The following NPNT variants were observed in gnomAD, a reference collection of about 807,000 sequenced individuals.
The protein encoded by NPNT is nephronectin.
NPNT carries 45 observed loss-of-function variants against 68.6 expected under a neutral mutation model. That is an observed-to-expected ratio of 0.66 (90% CI 0.52 to 0.84). The LOEUF is 0.84. Ranked by LOEUF, NPNT falls within the 40% of genes least tolerant of loss-of-function variation. The probability of loss-of-function intolerance (pLI) is 0.00; values close to 1 mark genes in which losing one functional copy is unlikely to be tolerated. For synonymous variants in NPNT, 233 were observed against 253.3 expected, an observed-to-expected ratio of 0.92 and a Z score of 0.76; for missense variants, 672 against 714.8, an observed-to-expected ratio of 0.94 and a Z score of 0.68.
intron 2 of NPNT, among the ~76,000 whole-genome samples, chr4:105,899,787 G>A (rs1449934702): frequency 6.6e-6 from 1 of 152,174 alleles, no homozygotes; most frequent in African/African-American, 2.4e-5. Context: ...AAAGGTGAAT[G>A]TTTCCTTCTG....
chr4:105,912,248 A>T, intron 2 of NPNT: 1 of 1,523,204 alleles, frequency 6.6e-7, no homozygotes, highest in Non-Finnish European at 8.8e-7. Flanking sequence ...GGTTAGATGA[A>T]CATATTTCTT....
chr4:105,967,143 A>C, intron 10 of NPNT, 45 bp from the exon 11 acceptor site: 1 of 1,586,916 alleles, frequency 6.3e-7, no homozygotes, highest in Non-Finnish European at 8.6e-7. Context: ...TTGTTCTAGA[A>C]AGGGATATTG....
chr4:105,948,967 A>AT (rs1730600547), intron 8 of NPNT, among the ~76,000 whole-genome samples: 3 of 152,078 alleles, frequency 2.0e-5, no homozygotes, highest in African/African-American at 7.2e-5. Context: ...AATAAGATGT[A>AT]TTTACAGGGC....
At chr4:105,898,292 CTCTCTCTCTCTCTCTCTCTG>C (rs1726057152) in intron 2 of NPNT, among the ~76,000 whole-genome samples, 6 of 124,952 alleles carry the variant, frequency 4.8e-5, no homozygotes, top group African/African-American at 1.9e-4. Context: ...AGGTTTATTT[CTCTCTCTCTCTCTCTCTCTG>C]TCTCTCTCTC....
chr4:105,913,184 C>T (rs936273593), intron 2 of NPNT, among the ~76,000 whole-genome samples: 1 of 152,070 alleles, frequency 6.6e-6, no homozygotes, highest in Non-Finnish European at 1.5e-5. Flanking sequence ...GTTCTTTAAA[C>T]TGATTGAAGA....
intron 8 of NPNT, among the ~76,000 whole-genome samples, chr4:105,948,840 C>T (rs374563242): frequency 3.9e-5 from 6 of 152,070 alleles, no homozygotes; most frequent in African/African-American, 1.4e-4. Context: ...TCAAGGAATC[C>T]TCCCACCTTG....
rs1247980100 is a variant in NPNT, at chr4:105,938,387, C to T, written c.472C>T (p.Leu158=). ...QIRCQCPSPG[L]QLAPDGRTCV... ...ACGGTGCCAGTGCCCATCCCCTGGC[C>T]TGCAGCTGGCTCCTGATGGGAGGAC... The change falls in exon 5 of 12, where the codon CTG becomes TTG. Residue 158 remains leucine (L), a synonymous_variant. Transcript: ENST00000379987. 2 of 1,613,490 alleles carry T rather than the reference C, an allele frequency of 1.2e-6. No individual in the cohort carries two copies. Among genetic ancestry groups the T allele is most frequent in the African/African-American group, 1.3e-5 (1 of 74,890 alleles).
chr4:105,900,086 A>G (rs1578567847), intron 2 of NPNT, among the ~76,000 whole-genome samples: 1 of 152,254 alleles, frequency 6.6e-6, no homozygotes, highest in East Asian at 1.9e-4. Flanking sequence ...TTCCTTATAA[A>G]GATTCCAAAG....
chr4:105,953,440 A>G (rs925115239), intron 8 of NPNT, among the ~76,000 whole-genome samples: 3 of 152,210 alleles, frequency 2.0e-5, no homozygotes, highest in Non-Finnish European at 4.4e-5. Context: ...TGTGAGTCCA[A>G]CAACCCTTTT....
chr4:105,959,643 C>T (rs1025997489), intron 10 of NPNT, among the ~76,000 whole-genome samples: 5 of 150,670 alleles, frequency 3.3e-5, no homozygotes, highest in South Asian at 2.1e-4. Flanking sequence ...GAAATGGTTA[C>T]GAATCACCAC....
intron 6 of NPNT, 70 bp from the exon 7 acceptor site, chr4:105,940,444 T>G (rs1729844923): frequency 6.2e-6 from 9 of 1,453,022 alleles, no homozygotes; most frequent in African/African-American, 1.4e-5. Flanking sequence ...TTTTTGAAAC[T>G]GTATATATTT....
In NPNT at chr4:105,938,302, T is replaced by A; in HGVS notation, c.387T>A (p.Ser129Arg). ...GTCAGCCAGTCACTCTCTTTCCAGG[T>A]GCCCTGACCTGCTCCATGGCAAACT... ...YMLMPDGSCS[S>R]ALTCSMANCQ... is the part of the protein sequence containing the mutation. The change falls in exon 5 of 12, where the codon AGT becomes AGA. Residue 129 changes from serine to arginine, a missense_variant and splice_region_variant. Physicochemically the swap from Ser to Arg is moderately radical, Grantham distance 110. Coordinates refer to ENST00000379987, the MANE Select transcript of NPNT (RefSeq NM_001033047.3). 1 of 1,612,418 alleles carries A rather than the reference T, an allele frequency of 6.2e-7. No individual in the cohort carries two copies. Among genetic ancestry groups the A allele is most frequent in the Admixed American group, 1.7e-5 (1 of 59,688 alleles).
intron 8 of NPNT, among the ~76,000 whole-genome samples, chr4:105,948,390 A>G (rs1033795387): frequency 7.9e-5 from 12 of 152,210 alleles, no homozygotes; most frequent in Admixed American, 2.0e-4. Flanking sequence ...TATGAGGTAC[A>G]TCACTTTGGA....
chr4:105,960,470 A>G (rs1731634884), intron 10 of NPNT, among the ~76,000 whole-genome samples: 1 of 152,244 alleles, frequency 6.6e-6, no homozygotes, highest in Non-Finnish European at 1.5e-5. Context: ...GTAACAAGGT[A>G]TTAAAAAATT....
At chr4:105,946,407 C>T (rs991797439) in intron 8 of NPNT, among the ~76,000 whole-genome samples, 1 of 152,142 alleles carries the variant, frequency 6.6e-6, no homozygotes, top group Non-Finnish European at 1.5e-5. Context: ...CCAGCATCTC[C>T]AAAGGTGACT....
At chr4:105,920,878 TA>T (rs1478856474) in intron 2 of NPNT, among the ~76,000 whole-genome samples, 1 of 152,144 alleles carries the variant, frequency 6.6e-6, no homozygotes, top group African/African-American at 2.4e-5. Flanking sequence ...GGTTTGTGGT[TA>T]AGTTCTTAAT....
At chr4:105,956,790 C>T (rs1431400385) in intron 8 of NPNT, among the ~76,000 whole-genome samples, 1 of 152,148 alleles carries the variant, frequency 6.6e-6, no homozygotes, top group Non-Finnish European at 1.5e-5. Context: ...TGCCTCATCC[C>T]CTGGGTATCC....
At chr4:105,915,211 C>A (rs1727704390) in intron 2 of NPNT, among the ~76,000 whole-genome samples, 1 of 152,068 alleles carries the variant, frequency 6.6e-6, no homozygotes, top group Non-Finnish European at 1.5e-5. Flanking sequence ...GCCTCATTTC[C>A]CTGTGGAGCT....
chr4:105,951,270 G>A (rs1560534849), intron 8 of NPNT, among the ~76,000 whole-genome samples: 1 of 152,164 alleles, frequency 6.6e-6, no homozygotes, highest in Non-Finnish European at 1.5e-5. Context: ...TGTATCAGGT[G>A]CTCTTATGAG....
Sources: gnomAD v4.1 joint callset for allele counts (sites outside exome capture counted in the v4.1 genomes callset) on GRCh38, gnomAD v4.1.1 for gene constraint, MANE v1.5 for transcripts, NCBI Gene and HGNC (gene_info 2026-07-23, HGNC 2026-07-21) for gene names.